Variants in CLN6 observed in about 807,000 individuals in gnomAD.
CLN6 encodes the protein CLN6 transmembrane ER protein, also known as ceroid-lipofuscinosis neuronal protein 6.
In CLN6, 22 loss-of-function variants were observed where a neutral mutation model predicts 33.3. The observed-to-expected ratio is 0.66, with a 90% confidence interval of 0.47 to 0.94. The LOEUF is 0.94. CLN6 is among the 40% of genes least tolerant of loss of function. The pLI is 0.00. For missense variants in CLN6, 387 were observed against 417.1 expected, an observed-to-expected ratio of 0.93 and a Z score of 0.63; for synonymous variants, 201 against 174.6, an observed-to-expected ratio of 1.15 and a Z score of -1.19.
chr15:68,252,767 A>G (rs931611862), intron 1 of CLN6, among the ~76,000 whole-genome samples: 1 of 152,244 alleles, frequency 6.6e-6, no homozygotes, highest in African/African-American at 2.4e-5. Context: ...TGTATGAAAA[A>G]GGCAAACTGT....
intron 1 of CLN6, among the ~76,000 whole-genome samples, chr15:68,252,436 C>A (rs1307760433): frequency 2.6e-5 from 4 of 152,132 alleles, no homozygotes; most frequent in African/African-American, 9.7e-5. Context: ...CCACAATAAG[C>A]ATTTTATTCC....
Position 68,256,772 on chromosome 15 carries a change from A to G in CLN6, c.97T>C (p.Leu33=). The G allele has an allele frequency of 1.4e-6, 1 of 702,112 alleles. No homozygotes were observed. The highest frequency in any genetic ancestry group is 2.3e-4 in the Middle Eastern group (1 of 4,364). The allele number at this position is 702,112 out of a possible 1,614,324, so 43.5% of individuals were successfully genotyped here. The change falls in exon 1 of 7, where the codon TTG becomes CTG. Residue 33 remains leucine (L), a synonymous_variant. Transcript: ENST00000538696. The surrounding 1 kb of genome is among the most constrained non-coding windows in gnomAD (Gnocchi z 4.1). ...GCCAGTGGCTTGAAGGCTCGGCTCA[A>G]GCCCGCCTCGCCTCCCTCCCTCCTA... is the stretch of plus-strand genomic sequence containing the variant.
upstream of CLN6, among the ~76,000 whole-genome samples, chr15:68,231,751 C>G (rs1336881230): frequency 6.6e-6 from 1 of 152,228 alleles, no homozygotes; most frequent in Admixed American, 6.5e-5. Context: ...GCTGCTACCC[C>G]TTGAGGGGAG....
At chr15:68,214,262 GGA>G (rs752943329) in intron 3 of CLN6, 26 bp downstream of exon 3, 8 of 1,532,924 alleles carry the variant, frequency 5.2e-6, no homozygotes, top group Admixed American at 5.0e-5. Flanking sequence ...GGGGATGACA[GGA>G]GAGAGTGGGG....
At chr15:68,237,014 G>A (rs1021927895) in intron 1 of CLN6, among the ~76,000 whole-genome samples, 29 of 150,996 alleles carry the variant, frequency 1.9e-4, no homozygotes, top group Non-Finnish European at 3.4e-4. Context: ...AAAATTAGCC[G>A]GGCGCGGTGG....
At chr15:68,225,365 A>C (rs1567100216) in intron 1 of CLN6, among the ~76,000 whole-genome samples, 1 of 152,248 alleles carries the variant, frequency 6.6e-6, no homozygotes, top group Non-Finnish European at 1.5e-5. Context: ...CATGGAAGAT[A>C]ATTACGGTTT....
Position 68,208,423 on chromosome 15 carries a change from G to C in CLN6, c.666-13C>G. 1 of 1,611,862 alleles carries C rather than the reference G, an allele frequency of 6.2e-7. No homozygotes were observed. The highest frequency in any genetic ancestry group is 8.5e-7 in the Non-Finnish European group (1 of 1,179,912). On this transcript the variant is annotated splice_polypyrimidine_tract_variant and intron_variant, in intron 6 of 6. Transcript: ENST00000249806. This position sits in a 1 kb window ranked among gnomAD's most constrained non-coding sequence, Gnocchi z 5.8. ...GGTGACCAGGTACCTGGAAAGGCCA[G>C]GGGTGAGTGAGGCAGCTGCCGTGGC...
At position 68,211,669 on chromosome 15, in the gene CLN6, C is replaced by T; in HGVS notation, c.486+6G>A. 6.2e-7 allele frequency: 1 copy of T among 1,613,254 alleles called. No homozygotes were observed. The highest frequency in any genetic ancestry group is 8.5e-7 in the Non-Finnish European group (1 of 1,179,958). On this transcript the variant is annotated splice_donor_region_variant and intron_variant, in intron 4 of 6. Transcript: ENST00000249806. The surrounding 1 kb of genome is among the most constrained non-coding windows in gnomAD (Gnocchi z 5.9). ...CTTACAGGCAGGGAGCAGGAGGTGG[C>T]CTCACCAGCGTCTCCGGCTTGAGAT...
At position 68,208,989 on chromosome 15, in the gene CLN6, C is replaced by A. The variant is rs1227990368; in HGVS notation, c.666-579G>T. Among the ~76,000 whole-genome samples, 1 of 152,214 alleles carries A rather than the reference C, an allele frequency of 6.6e-6. No homozygotes were observed. The highest frequency in any genetic ancestry group is 1.5e-5 in the Non-Finnish European group (1 of 68,036). ...GCCTCCCATCAGAGAAGGGTCCAGT[C>A]CTGCCCCGACCCTGTCCTTCCCATG... On this transcript the variant is annotated intron_variant, in intron 6 of 6. Coordinates refer to ENST00000249806, the MANE Select transcript of CLN6 (RefSeq NM_017882.3). The surrounding 1 kb of genome is among the most constrained non-coding windows in gnomAD (Gnocchi z 5.8).
Position 68,236,932 on chromosome 15 carries a change from T to G in CLN6, c.180-18282A>C, listed in dbSNP as rs929399626. Reference sequence around the variant, plus strand: ...CAGCACTTTGGGAGGCCGAGGCGGGTGGATCATGAGGTCAGGAGATCGAGA... The same window carrying G: ...CAGCACTTTGGGAGGCCGAGGCGGGGGGATCATGAGGTCAGGAGATCGAGA... On this transcript the variant is annotated intron_variant, in intron 1 of 6. Coordinates refer to the CLN6 transcript ENST00000538696. This position sits in a 1 kb window ranked among gnomAD's most constrained non-coding sequence, Gnocchi z 4.5. Among the ~76,000 whole-genome samples, 4 of 139,990 alleles carry G rather than the reference T, an allele frequency of 2.9e-5. No individual in the cohort carries two copies. Among genetic ancestry groups the G allele is most frequent in the African/African-American group, 8.1e-5 (3 of 37,186 alleles). The allele number at this position is 139,990 out of a possible 152,430, so 91.8% of individuals were successfully genotyped here. A position where few individuals can be genotyped will look rare whatever the true frequency, so the allele number is the denominator to read the frequency against.
intron 2 of CLN6, among the ~76,000 whole-genome samples, chr15:68,217,284 T>C (rs1389293295): frequency 6.6e-6 from 1 of 152,156 alleles, no homozygotes; most frequent in Admixed American, 6.6e-5. Flanking sequence ...CAGGCTGGAG[T>C]GCAGCGGTGT....
In CLN6 at chr15:68,210,703, C is replaced by T. The variant is rs1215229161; in HGVS notation, c.542+560G>A. Among the ~76,000 whole-genome samples the T allele has an allele frequency of 6.6e-6, 1 of 152,154 alleles. No homozygotes were observed. Among genetic ancestry groups the T allele is most frequent in the Non-Finnish European group, 1.5e-5 (1 of 68,004 alleles). On this transcript the variant is annotated intron_variant, in intron 5 of 6. Coordinates refer to ENST00000249806, the MANE Select transcript of CLN6 (RefSeq NM_017882.3). This position sits in a 1 kb window ranked among gnomAD's most constrained non-coding sequence, Gnocchi z 5.6. The stretch of plus-strand genomic sequence containing the variant: ...GAGGCTGAGACCACATTTCTGAGGT[C>T]TCCCCCGACTGAGGGACGGGGTAGG...
intron 1 of CLN6, among the ~76,000 whole-genome samples, chr15:68,223,495 A>G (rs936018105): frequency 1.1e-4 from 17 of 152,140 alleles, no homozygotes; most frequent in Non-Finnish European, 4.4e-5. Flanking sequence ...GGCCCAGAGA[A>G]CTTGGGTGGC....
In CLN6 at chr15:68,256,602, G is replaced by A; in HGVS notation, c.179+88C>T. The A allele has an allele frequency of 1.7e-6, 1 of 577,196 alleles. No individual in the cohort carries two copies. Among genetic ancestry groups the A allele is most frequent in the Non-Finnish European group, 3.1e-6 (1 of 322,248 alleles). The allele number at this position is 577,196 out of a possible 1,614,324, so 35.8% of individuals were successfully genotyped here. A position where few individuals can be genotyped will look rare whatever the true frequency, so the allele number is the denominator to read the frequency against. On this transcript the variant is annotated intron_variant, in intron 1 of 6. Transcript: ENST00000538696. The surrounding 1 kb of genome is among the most constrained non-coding windows in gnomAD (Gnocchi z 4.1). ...CCCACACACGTGGCTGGCTTCAGGG[G>A]TGTGGGCAGTGCAGTCGCACAGGGC... is the stretch of plus-strand genomic sequence containing the variant.
Position 68,241,472 on chromosome 15 carries a change from TG to T in CLN6, c.179+15217del, listed in dbSNP as rs941332346. Reference sequence around the variant, plus strand: ...TTTCCCGACTCAACGATTTCTGCACTGGAAAAAGTGAGATTGAGGTGGACGA... The same window carrying T: ...TTTCCCGACTCAACGATTTCTGCACTGAAAAAGTGAGATTGAGGTGGACGA... On this transcript the variant is annotated intron_variant, in intron 1 of 6. Transcript: ENST00000538696. The surrounding 1 kb of genome is among the most constrained non-coding windows in gnomAD (Gnocchi z 4.2). 6.6e-6 allele frequency among the ~76,000 whole-genome samples: 1 copy of T among 152,150 alleles called. No homozygotes were observed. Among genetic ancestry groups the T allele is most frequent in the African/African-American group, 2.4e-5 (1 of 41,458 alleles).
chr15:68,250,193 AT>A (rs1047497661), intron 1 of CLN6, among the ~76,000 whole-genome samples: 7 of 152,244 alleles, frequency 4.6e-5, no homozygotes, highest in African/African-American at 1.7e-4. Flanking sequence ...AATGTACCAA[AT>A]TATCACATGT....
At chr15:68,217,722 A>G (rs1236554399) in intron 2 of CLN6, among the ~76,000 whole-genome samples, 2 of 152,126 alleles carry the variant, frequency 1.3e-5, no homozygotes, top group Admixed American at 6.5e-5. Context: ...GTGGCCCGTC[A>G]GGCAACTGTC....
At position 68,210,845 on chromosome 15, in the gene CLN6, G is replaced by A. The variant is rs1241175876; in HGVS notation, c.542+418C>T. ...TCCTCCACTCCCAAAGAGCAGGCCC[G>A]ACACGGGTGGGGGTCCCTGGCTGTG... On this transcript the variant is annotated intron_variant, in intron 5 of 6. Coordinates refer to ENST00000249806, the MANE Select transcript of CLN6 (RefSeq NM_017882.3). This position sits in a 1 kb window ranked among gnomAD's most constrained non-coding sequence, Gnocchi z 5.6. 6.6e-6 allele frequency among the ~76,000 whole-genome samples: 1 copy of A among 152,152 alleles called. No individual in the cohort carries two copies.
chr15:68,214,021 G>C (rs1331079861), intron 3 of CLN6: 4 of 421,668 alleles, frequency 9.5e-6, no homozygotes, highest in Non-Finnish European at 1.3e-5. Context: ...CCTTCTACCT[G>C]AACACCTCTC....
Sources: gnomAD v4.1 joint callset for allele counts (sites outside exome capture counted in the v4.1 genomes callset) on GRCh38, gnomAD v4.1.1 for gene constraint, Gnocchi (gnomAD v3.1) non-coding constraint, MANE v1.5 for transcripts, NCBI Gene and HGNC (gene_info 2026-07-23, HGNC 2026-07-21) for gene names.